Variants in EYS observed in about 807,000 individuals in gnomAD.
The protein encoded by EYS is EGF-like photoreceptor maintenance factor.
A neutral mutation model predicts 282.1 loss-of-function variants in EYS; 250 were observed. That is an observed-to-expected ratio of 0.89 (90% CI 0.80 to 0.98). The LOEUF (loss-of-function observed/expected upper bound fraction) is 0.98, where lower values mean the gene tolerates loss of function less well. EYS is among the 50% of genes least tolerant of loss of function. The pLI, the probability that EYS is intolerant of heterozygous loss-of-function variation, is 0.00. For synonymous variants in EYS, 1,355 were observed against 1,282.9 expected, an observed-to-expected ratio of 1.06 and a Z score of -1.20; for missense variants, 4,016 against 3,709.0, an observed-to-expected ratio of 1.08 and a Z score of -2.15.
intron 36 of EYS, among the ~76,000 whole-genome samples, chr6:63,850,612 G>A (rs541390817): frequency 6.6e-6 from 1 of 152,224 alleles, no homozygotes; most frequent in South Asian, 2.1e-4. Flanking sequence ...TTCCTTTACA[G>A]ACAAGCAAAT....
intron 36 of EYS, chr6:63,857,595 AC>A (rs1772427878): frequency 2.7e-6 from 1 of 364,258 alleles, no homozygotes; most frequent in African/African-American, 2.1e-5. Context: ...CTCCATGACC[AC>A]CGTGTGATGG....
chr6:64,353,077 C>A (rs927282881), intron 29 of EYS, among the ~76,000 whole-genome samples: 2 of 151,422 alleles, frequency 1.3e-5, no homozygotes, highest in Non-Finnish European at 3.0e-5. Context: ...GAATACCTCC[C>A]CCTACACACA....
intron 2 of EYS, among the ~76,000 whole-genome samples, chr6:65,618,101 AG>A (rs1766288643): frequency 6.6e-6 from 1 of 152,156 alleles, no homozygotes; most frequent in African/African-American, 2.4e-5. Context: ...TGGTATTTCT[AG>A]TTCTAGATCC....
At chr6:65,511,670 A>C (rs917642061) in intron 2 of EYS, among the ~76,000 whole-genome samples, 2 of 152,146 alleles carry the variant, frequency 1.3e-5, no homozygotes, top group African/African-American at 4.8e-5. Context: ...CCAATAACTC[A>C]GGACAGGCGA....
chr6:64,414,102 G>A (rs1441888472), intron 28 of EYS, among the ~76,000 whole-genome samples: 1 of 152,076 alleles, frequency 6.6e-6, no homozygotes, highest in Non-Finnish European at 1.5e-5. Context: ...CCAGTTCATA[G>A]TATTTTGTTA....
intron 22 of EYS, among the ~76,000 whole-genome samples, chr6:64,681,161 TA>T (rs1312934919): frequency 4.6e-5 from 7 of 152,152 alleles, no homozygotes; most frequent in Non-Finnish European, 1.0e-4. Flanking sequence ...TTACTGTCTT[TA>T]AAAATCTGGA....
At chr6:64,602,651 T>C (rs1302937326) in intron 24 of EYS, among the ~76,000 whole-genome samples, 1 of 152,074 alleles carries the variant, frequency 6.6e-6, no homozygotes, top group Non-Finnish European at 1.5e-5. Context: ...CTCAAAAGAA[T>C]TGGTAAATTA....
At chr6:65,681,297 C>T (rs1021783733) in intron 1 of EYS, among the ~76,000 whole-genome samples, 1 of 151,990 alleles carries the variant, frequency 6.6e-6, no homozygotes, top group Non-Finnish European at 1.5e-5. Context: ...GGGCTAACAG[C>T]TATCAGCCAA....
chr6:65,302,100 T>TTTTTG (rs1768856520), intron 11 of EYS, among the ~76,000 whole-genome samples: 1 of 152,168 alleles, frequency 6.6e-6, no homozygotes, highest in South Asian at 2.1e-4. Flanking sequence ...TGAACTCTTT[T>TTTTTG]TTTTGTTTTG....
chr6:64,760,791 A>G (rs1181550418), intron 22 of EYS, among the ~76,000 whole-genome samples: 4 of 152,174 alleles, frequency 2.6e-5, no homozygotes, highest in Admixed American at 1.3e-4. Flanking sequence ...TCAGCCAGCC[A>G]TGGATGCTTC....
chr6:64,506,214 T>C (rs893839548), intron 26 of EYS, among the ~76,000 whole-genome samples: 2 of 152,176 alleles, frequency 1.3e-5, no homozygotes, highest in Admixed American at 6.6e-5. Flanking sequence ...TTATGGGACA[T>C]TGCATTTAAC....
intron 28 of EYS, among the ~76,000 whole-genome samples, chr6:64,433,162 A>G (rs747856359): frequency 1.2e-4 from 18 of 152,018 alleles, no homozygotes; most frequent in African/African-American, 4.3e-4. Flanking sequence ...TCATGGGCCT[A>G]GCACAATTTT....
chr6:65,020,914 T>C (rs1392686670), intron 13 of EYS, among the ~76,000 whole-genome samples: 1 of 152,152 alleles, frequency 6.6e-6, no homozygotes, highest in African/African-American at 2.4e-5. Flanking sequence ...CAGCCTGAAC[T>C]GTACATTTCC....
chr6:64,306,619 A>T (rs1769454892), intron 30 of EYS, among the ~76,000 whole-genome samples: 1 of 152,284 alleles, frequency 6.6e-6, no homozygotes, highest in African/African-American at 2.4e-5. Flanking sequence ...TTGGAAAAAG[A>T]ATGTATTTTA....
At chr6:65,482,541 C>A (rs1765645749) in intron 5 of EYS, among the ~76,000 whole-genome samples, 1 of 152,172 alleles carries the variant, frequency 6.6e-6, no homozygotes, top group African/African-American at 2.4e-5. Flanking sequence ...GATTTAGCTC[C>A]TGCCTGCTTT....
chr6:63,723,055 AG>A (rs766901746), intron 42 of EYS, among the ~76,000 whole-genome samples: 22 of 152,220 alleles, frequency 1.4e-4, no homozygotes, highest in African/African-American at 5.1e-4. Flanking sequence ...GCCCATAAAT[AG>A]ATGCTAAATA....
At chr6:65,357,781 C>T (rs1042496805) in intron 8 of EYS, among the ~76,000 whole-genome samples, 2 of 151,878 alleles carry the variant, frequency 1.3e-5, no homozygotes, top group African/African-American at 4.8e-5. Flanking sequence ...TTCAAAAATG[C>T]TGCCAATAAA....
chr6:64,255,226 A>G (rs1025835309), intron 30 of EYS, among the ~76,000 whole-genome samples: 1 of 152,046 alleles, frequency 6.6e-6, no homozygotes, highest in Non-Finnish European at 1.5e-5. Flanking sequence ...GTGAAAGTTC[A>G]GAGAAAAACT....
At chr6:64,657,468 G>C (rs1768793081) in intron 22 of EYS, among the ~76,000 whole-genome samples, 1 of 152,136 alleles carries the variant, frequency 6.6e-6, no homozygotes, top group African/African-American at 2.4e-5. Flanking sequence ...TTTACAATTT[G>C]GCATGTTTTT....
Sources: gnomAD v4.1 joint callset for allele counts (sites outside exome capture counted in the v4.1 genomes callset) on GRCh38, gnomAD v4.1.1 for gene constraint, MANE v1.5 for transcripts, NCBI Gene and HGNC (gene_info 2026-07-23, HGNC 2026-07-21) for gene names.